Variants in CACNA2D1 observed in about 807,000 individuals in gnomAD.
CACNA2D1 encodes calcium voltage-gated channel auxiliary subunit alpha2delta 1, also known as voltage-dependent calcium channel subunit alpha-2/delta-1.
CACNA2D1 carries 53 observed loss-of-function variants against 171.5 expected under a neutral mutation model. The ratio of observed to expected loss-of-function variants is 0.31; its 90% CI spans 0.25 to 0.39. The LOEUF (loss-of-function observed/expected upper bound fraction) is 0.39. Ranked by LOEUF, CACNA2D1 falls within the 10% of genes least tolerant of loss-of-function variation. The pLI, the probability that CACNA2D1 is intolerant of heterozygous loss-of-function variation, is 1.00. For synonymous variants in CACNA2D1, 442 were observed against 443.1 expected (o/e 1.00, Z 0.03); for missense variants, 903 against 1,299.8 (o/e 0.69, Z 4.69).
Position 81,964,191 on chromosome 7 carries a change from C to G in CACNA2D1, c.2727+16G>C. On this transcript the variant is annotated intron_variant, in intron 33 of 38. Coordinates refer to ENST00000356860, the MANE Select transcript of CACNA2D1 (RefSeq NM_000722.4). Reference sequence around the variant, plus strand: ...AGTACCCCTTGAGAATTGATTAGACCGTGGATATTACTGACCACATATGCT... The same window carrying G: ...AGTACCCCTTGAGAATTGATTAGACGGTGGATATTACTGACCACATATGCT... 2 of 1,612,504 alleles carry G rather than the reference C, an allele frequency of 1.2e-6. No individual in the cohort carries two copies. The highest frequency in any genetic ancestry group is 1.7e-6 in the Non-Finnish European group (2 of 1,178,978).
Position 81,950,198 on chromosome 7 carries a change from C to A in CACNA2D1, c.*194G>T, listed in dbSNP as rs75370027. 1,094 of 886,172 alleles carry A rather than the reference C, an allele frequency of 1.2e-3. 10 individuals carry two copies. In the African/African-American group the frequency reaches 0.017, roughly 13 times the overall value. The allele number at this position is 886,172 out of a possible 1,614,324, so 54.9% of individuals were successfully genotyped here. On this transcript the variant is annotated 3_prime_UTR_variant, in exon 39 of 39. Transcript: ENST00000356860. Reference sequence around the variant, plus strand: ...ACATAGATGATGCAGCATTCACACACGTTTAAGGATCTGACACCCTGACAT... The same window carrying A: ...ACATAGATGATGCAGCATTCACACAAGTTTAAGGATCTGACACCCTGACAT...
At position 81,985,196 on chromosome 7, in the gene CACNA2D1, C is replaced by CTTTTTTTTTTTTTTTTTTTT. The variant is rs774555240; in HGVS notation, c.1797-505_1797-486dup. ...AATGGAAGAGTTACTATTATCATTA[C>CTTTTTTTTTTTTTTTTTTTT]TTTTTTTTTTTTTTTTTTTTTGGAG... On this transcript the variant is annotated intron_variant, in intron 21 of 38. Transcript: ENST00000356860. Among the ~76,000 whole-genome samples the CTTTTTTTTTTTTTTTTTTTT allele has an allele frequency of 4.4e-4, 46 of 104,168 alleles. 1 individual carries two copies. The highest frequency in any genetic ancestry group is 1.6e-3 in the African/African-American group (40 of 24,296). The allele number at this position is 104,168 out of a possible 152,430, so 68.3% of individuals were successfully genotyped here. A position where few individuals can be genotyped will look rare whatever the true frequency, so the allele number is the denominator to read the frequency against.
chr7:81,985,194 T>G (rs559136721), intron 21 of CACNA2D1, among the ~76,000 whole-genome samples: 1 of 131,532 alleles, frequency 7.6e-6, no homozygotes, highest in Non-Finnish European at 1.6e-5. Flanking sequence ...CTATTATCAT[T>G]ACTTTTTTTT....
chr7:82,098,920 G>C (rs544546977), intron 6 of CACNA2D1, among the ~76,000 whole-genome samples: 1 of 152,134 alleles, frequency 6.6e-6, no homozygotes, highest in Middle Eastern at 3.2e-3. Context: ...TCAGTAAGAT[G>C]TAATACCAAA....
intron 3 of CACNA2D1, among the ~76,000 whole-genome samples, chr7:82,200,250 C>G (rs954596363): frequency 6.6e-6 from 1 of 151,970 alleles, no homozygotes; most frequent in African/African-American, 2.4e-5. Context: ...GGTTATCCAA[C>G]AGAATTTTTA....
At chr7:82,062,598 CT>C (rs34862731) in intron 9 of CACNA2D1, among the ~76,000 whole-genome samples, 68,987 of 141,558 alleles carry the variant, frequency 0.49, 17,995 homozygotes, top group African/African-American at 0.72. Flanking sequence ...GGTACTATGT[CT>C]TTTTTTTTTT....
At chr7:82,007,470 T>C (rs967085187) in intron 16 of CACNA2D1, among the ~76,000 whole-genome samples, 22 of 152,288 alleles carry the variant, frequency 1.4e-4, no homozygotes, top group East Asian at 1.3e-3. Flanking sequence ...TGGAGTTAAG[T>C]TGAATCTTGG....
chr7:81,998,819 A>C (rs1022660566), intron 18 of CACNA2D1, among the ~76,000 whole-genome samples: 8 of 152,164 alleles, frequency 5.3e-5, no homozygotes, highest in African/African-American at 1.4e-4. Context: ...AGCGTATTTT[A>C]AAAGAATAAA....
chr7:82,233,731 A>G (rs1203011538), intron 3 of CACNA2D1, among the ~76,000 whole-genome samples: 2 of 152,108 alleles, frequency 1.3e-5, no homozygotes, highest in Non-Finnish European at 2.9e-5. Context: ...ATGTTTCCCT[A>G]AAACAACTCG....
intron 6 of CACNA2D1, 125 bp downstream of exon 6, chr7:82,116,919 C>T (rs1789114080): frequency 9.5e-7 from 1 of 1,050,874 alleles, no homozygotes; most frequent in Admixed American, 1.7e-5. Flanking sequence ...CAGAGTTTAC[C>T]ACAGACTCTT....
chr7:82,032,694 A>G (rs894804721), intron 12 of CACNA2D1, 103 bp downstream of exon 12: 20 of 634,796 alleles, frequency 3.2e-5, no homozygotes, highest in Non-Finnish European at 1.9e-5. Flanking sequence ...TGGCACAATC[A>G]GGTTTTAAAT....
chr7:82,424,887 A>T (rs1356763525), intron 1 of CACNA2D1, among the ~76,000 whole-genome samples: 1 of 152,254 alleles, frequency 6.6e-6, no homozygotes, highest in Admixed American at 6.5e-5. Context: ...AAAGTAGGAA[A>T]GAAATGAGCA....
Position 82,064,361 on chromosome 7 carries a change from CA to C in CACNA2D1, c.729-8del. 6.3e-7 allele frequency: 1 copy of C among 1,592,498 alleles called. No individual in the cohort carries two copies. Among genetic ancestry groups the C allele is most frequent in the East Asian group, 2.2e-5 (1 of 44,586 alleles). On this transcript the variant is annotated splice_polypyrimidine_tract_variant and splice_region_variant and intron_variant, in intron 8 of 38. Transcript: ENST00000356860. ...TGCAGCTCCTTGGATGTACCTGAAACAAATATTGTAATAAATGCTTTTCTCT... is the reference window on the plus strand; with the variant it reads ...TGCAGCTCCTTGGATGTACCTGAAACAATATTGTAATAAATGCTTTTCTCT...
Position 81,962,532 on chromosome 7 carries a change from G to C in CACNA2D1, c.2781-37C>G, listed in dbSNP as rs751620977. On this transcript the variant is annotated intron_variant, in intron 34 of 38. Coordinates refer to ENST00000356860, the MANE Select transcript of CACNA2D1 (RefSeq NM_000722.4). ...AAATAAAAAAAAAATAAACATCTAG[G>C]GAAAAAATGTGTTTTTACATGTACC... 8.1e-6 allele frequency: 11 copies of C among 1,364,026 alleles called. No homozygotes were observed. In the South Asian group the frequency reaches 1.4e-4, roughly 17 times the overall value. 84.5% of individuals were successfully genotyped at this position (1,364,026 alleles called of 1,614,324 possible).
rs1353704008 is a variant in CACNA2D1, at chr7:82,443,354, C to T, written c.95+11G>A. On this transcript the variant is annotated intron_variant, in intron 1 of 38. Coordinates refer to ENST00000356860, the MANE Select transcript of CACNA2D1 (RefSeq NM_000722.4). The stretch of plus-strand genomic sequence containing the variant: ...CTCGGCCGGCGCTCCCTGCCCGGCC[C>T]GCCGACTTACGTGACGGCCGAAGGG... 5 of 1,599,784 alleles carry T rather than the reference C, an allele frequency of 3.1e-6. No individual in the cohort carries two copies. Among genetic ancestry groups the T allele is most frequent in the South Asian group, 2.2e-5 (2 of 89,480 alleles).
intron 1 of CACNA2D1, among the ~76,000 whole-genome samples, chr7:82,401,495 G>T (rs1022403355): frequency 1.4e-5 from 2 of 147,854 alleles, no homozygotes; most frequent in Admixed American, 1.4e-4. Context: ...TCATAGGTGG[G>T]AATTGAACAA....
chr7:82,405,841 G>C (rs545216517), intron 1 of CACNA2D1, among the ~76,000 whole-genome samples: 163 of 152,212 alleles, frequency 1.1e-3, no homozygotes, highest in African/African-American at 3.6e-3. Context: ...AGGAGCCCTG[G>C]CTCAGAAATC....
At chr7:82,143,477 C>T (rs1044413775) in intron 4 of CACNA2D1, among the ~76,000 whole-genome samples, 2 of 152,048 alleles carry the variant, frequency 1.3e-5, no homozygotes, top group African/African-American at 4.8e-5. Flanking sequence ...TTTCTTAGAT[C>T]AGTTAGGATG....
chr7:82,214,256 C>T (rs1383738685), intron 3 of CACNA2D1, among the ~76,000 whole-genome samples: 1 of 152,108 alleles, frequency 6.6e-6, no homozygotes, highest in Non-Finnish European at 1.5e-5. Context: ...GTAAACTTAC[C>T]TACCTCTTCC....
Sources: allele counts gnomAD v4.1 joint callset (sites outside exome capture counted in the v4.1 genomes callset), GRCh38; gene constraint gnomAD v4.1.1; transcripts MANE v1.5; gene names NCBI Gene and HGNC (gene_info 2026-07-23, HGNC 2026-07-21).